The following TRPS1 variants were observed in gnomAD, a reference collection of about 807,000 sequenced individuals.
TRPS1 encodes the protein zinc finger transcription factor Trps1.
In TRPS1, 6 loss-of-function variants were observed where a neutral mutation model predicts 101.2. That is an observed-to-expected ratio of 0.06 (90% CI 0.03 to 0.12). The LOEUF (loss-of-function observed/expected upper bound fraction) is 0.12. Ranked by LOEUF, TRPS1 falls within the 10% of genes least tolerant of loss-of-function variation. TRPS1 has a pLI of 1.00. For missense variants in TRPS1, 1,363 were observed against 1,567.0 expected, an observed-to-expected ratio of 0.87 and a Z score of 2.20; for synonymous variants, 578 against 589.8, an observed-to-expected ratio of 0.98 and a Z score of 0.29.
At position 115,414,874 on chromosome 8, in the gene TRPS1, G is replaced by T; in HGVS notation, c.3034C>A (p.Pro1012Thr). 1 of 1,613,008 alleles carries T rather than the reference G, an allele frequency of 6.2e-7. No homozygotes were observed. Among genetic ancestry groups the T allele is most frequent in the East Asian group, 2.2e-5 (1 of 44,844 alleles). Reference sequence around the variant, plus strand: ...TGGGCTTCGTATTTACTTAGGCTGGGGAGTGGAATTTCTCTCTGGTGACTT... The same window carrying T: ...TGGGCTTCGTATTTACTTAGGCTGGTGAGTGGAATTTCTCTCTGGTGACTT... Reference protein sequence around the residue: ...TESHQREIPLPSLSKYEAQGS... With the variant: ...TESHQREIPLTSLSKYEAQGS... The change falls in exon 7 of 7, where the codon CCC (proline) becomes ACC (threonine). Residue 1012 changes from proline (P) to threonine (T), a missense_variant. This residue lies in a region of TRPS1 where 307 missense variants were observed against 392.4 expected (regional missense o/e 0.78). Transcript: ENST00000395715. This position sits in a 1 kb window ranked among gnomAD's most constrained non-coding sequence, Gnocchi z 4.8.
At position 115,565,456 on chromosome 8, in the gene TRPS1, T is replaced by C. The variant is rs529229558; in HGVS notation, c.2700+21545A>G. Among the ~76,000 whole-genome samples, 19 of 150,268 alleles carry C rather than the reference T, an allele frequency of 1.3e-4. No individual in the cohort carries two copies. The South Asian group carries it at 4.0e-3, about 32-fold the overall frequency. On this transcript the variant is annotated intron_variant, in intron 5 of 6. Transcript: ENST00000395715. ...ATAAATGTAATATTAGTGGTCTCTT[T>C]GTATTTAATTGCATTGGAAAAAATG...
At chr8:115,647,503 G>A (rs548670208) in intron 1 of TRPS1, among the ~76,000 whole-genome samples, 4 of 152,124 alleles carry the variant, frequency 2.6e-5, no homozygotes, top group Admixed American at 2.6e-4. Context: ...ACTCCAAAAG[G>A]CTTCATGTGC....
chr8:115,568,791 C>T (rs937125240), intron 5 of TRPS1, among the ~76,000 whole-genome samples: 2 of 152,048 alleles, frequency 1.3e-5, no homozygotes, highest in African/African-American at 4.8e-5. Context: ...CAATATCCTC[C>T]CAATTAAAAT....
At chr8:115,492,811 C>A (rs1815061343) in intron 5 of TRPS1, among the ~76,000 whole-genome samples, 1 of 151,948 alleles carries the variant, frequency 6.6e-6, no homozygotes, top group South Asian at 2.1e-4. Context: ...CCTCCCAGGT[C>A]CAAGCAATTT....
chr8:115,493,755 T>C (rs967225519), intron 5 of TRPS1, among the ~76,000 whole-genome samples: 2 of 152,224 alleles, frequency 1.3e-5, no homozygotes, highest in African/African-American at 4.8e-5. Context: ...CTTAAAGATT[T>C]GCAATTTTAT....
rs73367466 is a variant in TRPS1 at position 115,450,848 on chromosome 8, A to G, written c.2701-32396T>C. On this transcript the variant is annotated intron_variant, in intron 5 of 6. Coordinates refer to ENST00000395715, the MANE Select transcript of TRPS1 (RefSeq NM_014112.5). ...CACCTTACAAAAATTTCATAGATCC[A>G]TAATGCATCCTTTTGGGAACATAAC... Among the ~76,000 whole-genome samples the G allele has an allele frequency of 2.7e-3, 412 of 152,350 alleles. 2 individuals are homozygous for G. The highest frequency in any genetic ancestry group is 9.5e-3 in the African/African-American group (397 of 41,572).
intron 5 of TRPS1, among the ~76,000 whole-genome samples, chr8:115,475,489 G>A (rs1227908984): frequency 6.6e-6 from 1 of 151,736 alleles, no homozygotes; most frequent in Admixed American, 6.6e-5. Context: ...TAAGTTTCAC[G>A]AAAATTGAAA....
chr8:115,535,473 T>C (rs1287435771), intron 5 of TRPS1, among the ~76,000 whole-genome samples: 1 of 148,676 alleles, frequency 6.7e-6, no homozygotes, highest in Non-Finnish European at 1.5e-5. Context: ...CATATACATA[T>C]CACACATATA....
chr8:115,482,753 G>A (rs1385885968), intron 5 of TRPS1, among the ~76,000 whole-genome samples: 1 of 152,128 alleles, frequency 6.6e-6, no homozygotes, highest in Non-Finnish European at 1.5e-5. Context: ...CCATCAACAT[G>A]GTTACAGCAA....
At chr8:115,436,967 T>G (rs1336741374) in intron 5 of TRPS1, among the ~76,000 whole-genome samples, 2 of 152,148 alleles carry the variant, frequency 1.3e-5, no homozygotes, top group Non-Finnish European at 2.9e-5. Flanking sequence ...TACAGACGTA[T>G]ACATATTTCT....
At chr8:115,495,331 G>A (rs1216566525) in intron 5 of TRPS1, among the ~76,000 whole-genome samples, 1 of 151,884 alleles carries the variant, frequency 6.6e-6, no homozygotes, top group East Asian at 1.9e-4. Context: ...AGTAAGCACT[G>A]TTTCATTCTG....
At chr8:115,629,145 AAAAAAACAAAAAAC>A (rs1181726532) in intron 1 of TRPS1, among the ~76,000 whole-genome samples, 3 of 151,960 alleles carry the variant, frequency 2.0e-5, no homozygotes, top group Admixed American at 2.0e-4. Flanking sequence ...GTAGTTAAGG[AAAAAAACAAAAAAC>A]AAAAAACAAA....
intron 5 of TRPS1, among the ~76,000 whole-genome samples, chr8:115,505,889 G>C (rs184375913): frequency 6.6e-6 from 1 of 152,176 alleles, no homozygotes; most frequent in Admixed American, 6.5e-5. Context: ...TTAAGTGTTT[G>C]AAATGCTTTC....
chr8:115,551,072 A>C (rs1267532579), intron 5 of TRPS1, among the ~76,000 whole-genome samples: 2 of 152,216 alleles, frequency 1.3e-5, no homozygotes, highest in Non-Finnish European at 2.9e-5. Context: ...CCTCCAGCCA[A>C]AGTGCACAGG....
At chr8:115,623,373 A>G (rs959437031) in intron 2 of TRPS1, among the ~76,000 whole-genome samples, 1 of 151,968 alleles carries the variant, frequency 6.6e-6, no homozygotes, top group African/African-American at 2.4e-5. Flanking sequence ...ATTTTACTGG[A>G]ATTATATCAT....
At chr8:115,497,542 C>T (rs992956756) in intron 5 of TRPS1, among the ~76,000 whole-genome samples, 23 of 152,150 alleles carry the variant, frequency 1.5e-4, no homozygotes, top group African/African-American at 5.3e-4. Flanking sequence ...CAGAAATGGG[C>T]TCCAGGTGCT....
At chr8:115,553,492 A>G (rs1405367549) in intron 5 of TRPS1, among the ~76,000 whole-genome samples, 2 of 152,166 alleles carry the variant, frequency 1.3e-5, no homozygotes, top group African/African-American at 4.8e-5. Flanking sequence ...CCACGCTGTT[A>G]AAAACCTTTC....
intron 5 of TRPS1, among the ~76,000 whole-genome samples, chr8:115,538,276 G>T (rs1157307598): frequency 1.3e-5 from 2 of 152,118 alleles, no homozygotes; most frequent in African/African-American, 2.4e-5. Context: ...TCACTAACTT[G>T]AAAGTTTCTT....
At chr8:115,588,646 A>G (rs902266333) in intron 4 of TRPS1, among the ~76,000 whole-genome samples, 1 of 152,228 alleles carries the variant, frequency 6.6e-6, no homozygotes, top group Non-Finnish European at 1.5e-5. Flanking sequence ...AAAAAGTCAT[A>G]TTTTGTTTAA....
Sources: allele counts gnomAD v4.1 joint callset (sites outside exome capture counted in the v4.1 genomes callset), GRCh38; gene constraint gnomAD v4.1.1; regional missense constraint gnomAD v4.1.1; non-coding constraint Gnocchi (gnomAD v3.1); transcripts MANE v1.5; gene names NCBI Gene and HGNC (gene_info 2026-07-23, HGNC 2026-07-21).